PDE9A: variants seen among roughly 807,000 people sequenced by gnomAD.
PDE9A encodes high affinity cGMP-specific 3',5'-cyclic phosphodiesterase 9A.
PDE9A carries 60 observed loss-of-function variants against 87.4 expected under a neutral mutation model. That is an observed-to-expected ratio of 0.69 (90% CI 0.56 to 0.85). PDE9A has a LOEUF of 0.85. PDE9A is among the 40% of genes least tolerant of loss of function. The pLI is 0.00. For missense variants in PDE9A, 665 were observed against 779.0 expected (o/e 0.85, Z 1.74); for synonymous variants, 272 against 279.4 (o/e 0.97, Z 0.27).
chr21:42,695,886 G>A lies in PDE9A; in HGVS notation c.219-3082G>A, dbSNP rs2146290619. ...TCATGGGAGCAACATAACGGGTTGT[G>A]AGAAGCCAAAGGATTAAGCATCTGG... is the stretch of plus-strand genomic sequence containing the variant. On this transcript the variant is annotated intron_variant, in intron 3 of 19. Coordinates refer to ENST00000291539, the MANE Select transcript of PDE9A (RefSeq NM_002606.3). The surrounding 1 kb of genome is among the most constrained non-coding windows in gnomAD (Gnocchi z 4.3). Among the ~76,000 whole-genome samples, 1 of 152,356 alleles carries A rather than the reference G, an allele frequency of 6.6e-6. No homozygotes were observed.
intron 19 of PDE9A, among the ~76,000 whole-genome samples, chr21:42,773,178 C>T (rs1403297059): frequency 6.8e-6 from 1 of 146,260 alleles, no homozygotes; most frequent in Non-Finnish European, 1.5e-5. Flanking sequence ...AGGAGAGTCA[C>T]TTGAACCTGG....
Position 42,765,513 on chromosome 21 carries a change from C to T in PDE9A, c.1356+19C>T, listed in dbSNP as rs1372548836. The stretch of plus-strand genomic sequence containing the variant: ...GACCCTGGTGAGTGGCTTATTCTGC[C>T]TGGGTGGGCAGCCAGGCGGTGGGCT... On this transcript the variant is annotated intron_variant, in intron 15 of 19. Transcript: ENST00000291539. The T allele has an allele frequency of 6.9e-7, 1 of 1,440,120 alleles. No individual in the cohort carries two copies. Among genetic ancestry groups the T allele is most frequent in the Non-Finnish European group, 9.8e-7 (1 of 1,023,066 alleles). The allele number at this position is 1,440,120 out of a possible 1,614,324, so 89.2% of individuals were successfully genotyped here. A position where few individuals can be genotyped will look rare whatever the true frequency, so the allele number is the denominator to read the frequency against.
chr21:42,732,829 A>G (rs1010341557), intron 6 of PDE9A, among the ~76,000 whole-genome samples: 1 of 152,166 alleles, frequency 6.6e-6, no homozygotes, highest in Non-Finnish European at 1.5e-5. Flanking sequence ...CAGGAGAATC[A>G]CTTGAACCCG....
intron 1 of PDE9A, among the ~76,000 whole-genome samples, chr21:42,664,533 CCTGGAGCAAA>C (rs1366253135): frequency 6.6e-6 from 1 of 152,226 alleles, no homozygotes; most frequent in African/African-American, 2.4e-5. Flanking sequence ...CCAAAGCAGA[CCTGGAGCAAA>C]CTGGACCAGC....
At chr21:42,689,077 G>A (rs8128680) in intron 3 of PDE9A, among the ~76,000 whole-genome samples, 5,927 of 151,528 alleles carry the variant, frequency 0.039, 406 homozygotes, top group African/African-American at 0.14. Context: ...CCCCCTCAGC[G>A]AGGTCCTCGT....
At position 42,722,058 on chromosome 21, in the gene PDE9A, C is replaced by T. The variant is rs745962277; in HGVS notation, c.263-9712C>T. Among the ~76,000 whole-genome samples the T allele has an allele frequency of 8.6e-5, 13 of 151,874 alleles. No homozygotes were observed. The highest frequency in any genetic ancestry group is 1.5e-4 in the Non-Finnish European group (10 of 67,988). ...TGGCACAATCTCAGCTCACTGCAAC[C>T]TCCGACTCCCTGGTTCAAGTGATTC... On this transcript the variant is annotated intron_variant, in intron 4 of 19. Transcript: ENST00000291539. This position sits in a 1 kb window ranked among gnomAD's most constrained non-coding sequence, Gnocchi z 4.1.
At chr21:42,766,776 G>A (rs954681333) in intron 15 of PDE9A, among the ~76,000 whole-genome samples, 1 of 152,178 alleles carries the variant, frequency 6.6e-6, no homozygotes, top group African/African-American at 2.4e-5. Flanking sequence ...GGGAGGCGCC[G>A]CCTTGTCCTC....
chr21:42,750,284 G>A (rs2054279264), intron 8 of PDE9A, among the ~76,000 whole-genome samples: 1 of 152,158 alleles, frequency 6.6e-6, no homozygotes, highest in South Asian at 2.1e-4. Context: ...AACATAGCAA[G>A]ACCCTATCTC....
At chr21:42,679,046 G>A (rs983139319) in intron 1 of PDE9A, among the ~76,000 whole-genome samples, 8 of 152,232 alleles carry the variant, frequency 5.3e-5, no homozygotes, top group African/African-American at 1.7e-4. Context: ...ACACACAGGT[G>A]AGCTGGGAGA....
At chr21:42,706,942 A>G (rs1453162491) in intron 4 of PDE9A, among the ~76,000 whole-genome samples, 1 of 151,922 alleles carries the variant, frequency 6.6e-6, no homozygotes, top group Non-Finnish European at 1.5e-5. Flanking sequence ...TTGTTCCTTT[A>G]TGGCTGGATG....
chr21:42,700,404 C>CT (rs2146335692), intron 4 of PDE9A, among the ~76,000 whole-genome samples: 1 of 152,294 alleles, frequency 6.6e-6, no homozygotes, highest in East Asian at 1.9e-4. Context: ...ACCTTGCCAA[C>CT]TTTTTTATAC....
intron 3 of PDE9A, among the ~76,000 whole-genome samples, chr21:42,688,952 C>G (rs866028832): frequency 9.9e-5 from 15 of 151,488 alleles, no homozygotes; most frequent in Middle Eastern, 3.4e-3. Context: ...GCCAGTGCTG[C>G]CTCCCTCAGT....
intron 10 of PDE9A, among the ~76,000 whole-genome samples, chr21:42,755,459 C>T (rs1310000224): frequency 1.3e-5 from 2 of 152,260 alleles, no homozygotes; most frequent in Non-Finnish European, 2.9e-5. Flanking sequence ...TGCTGCAAAC[C>T]TGCTCAAAAC....
chr21:42,752,029 A>ACCCGG (rs1215845519), intron 9 of PDE9A, among the ~76,000 whole-genome samples: 4 of 145,924 alleles, frequency 2.7e-5, no homozygotes, highest in South Asian at 2.2e-4. Context: ...GAGCCACCGC[A>ACCCGG]CCCGGCCCGG....
At position 42,659,152 on chromosome 21, in the gene PDE9A, G is replaced by A. The variant is rs143174133; in HGVS notation, c.69+5269G>A. 5.9e-5 allele frequency among the ~76,000 whole-genome samples: 9 copies of A among 152,178 alleles called. No homozygotes were observed. The highest frequency in any genetic ancestry group is 1.2e-4 in the Non-Finnish European group (8 of 68,036). On this transcript the variant is annotated intron_variant, in intron 1 of 19. Transcript: ENST00000291539. The surrounding 1 kb of genome is among the most constrained non-coding windows in gnomAD (Gnocchi z 4.1). ...TTCCCAATTTTAGCCCAAGGGTGCC[G>A]AAAAGTCAGGGAGCTGCTGGCCTCC...
intron 9 of PDE9A, among the ~76,000 whole-genome samples, 176 bp from the exon 10 acceptor site, chr21:42,753,814 A>G (rs950048440): frequency 1.3e-5 from 2 of 151,486 alleles, no homozygotes; most frequent in Non-Finnish European, 2.9e-5. Flanking sequence ...CCGTGAGCCA[A>G]GATCGCACCA....
intron 1 of PDE9A, among the ~76,000 whole-genome samples, chr21:42,669,770 GGC>G (rs1376779211): frequency 6.6e-6 from 1 of 152,176 alleles, no homozygotes; most frequent in East Asian, 1.9e-4. Flanking sequence ...GTCTCATAGA[GGC>G]TCCTGGTGTG....
chr21:42,680,217 G>T (rs2059094690), intron 1 of PDE9A, among the ~76,000 whole-genome samples: 2 of 152,236 alleles, frequency 1.3e-5, no homozygotes, highest in Admixed American at 6.5e-5. Flanking sequence ...TGCGACCCTG[G>T]CTCACTGACA....
intron 10 of PDE9A, 55 bp from the exon 11 acceptor site, chr21:42,758,944 G>A: frequency 7.3e-7 from 1 of 1,376,472 alleles, no homozygotes; most frequent in Non-Finnish European, 1.0e-6. Context: ...GAAGCCAGGG[G>A]CTGGGGAGCC....
Sources: allele counts gnomAD v4.1 joint callset (sites outside exome capture counted in the v4.1 genomes callset), GRCh38; gene constraint gnomAD v4.1.1; non-coding constraint Gnocchi (gnomAD v3.1); transcripts MANE v1.5; gene names NCBI Gene and HGNC (gene_info 2026-07-23, HGNC 2026-07-21).